Variants in CDKAL1 observed in about 807,000 individuals in gnomAD.
The protein encoded by CDKAL1 is threonylcarbamoyladenosine tRNA methylthiotransferase.
Under a neutral mutation model 68.2 loss-of-function variants are expected in CDKAL1, and 32 were observed. That is an observed-to-expected ratio of 0.47 (90% CI 0.35 to 0.63). The LOEUF (loss-of-function observed/expected upper bound fraction) is 0.63, where lower values mean the gene tolerates loss of function less well. Ranked by LOEUF, CDKAL1 falls within the 30% of genes least tolerant of loss-of-function variation. The pLI is 0.00. For synonymous variants in CDKAL1, 234 were observed against 244.3 expected (o/e 0.96, Z 0.39); for missense variants, 606 against 696.7 (o/e 0.87, Z 1.47).
intron 13 of CDKAL1, among the ~76,000 whole-genome samples, chr6:21,146,271 T>C (rs1276431351): frequency 2.0e-5 from 3 of 152,160 alleles, no homozygotes; most frequent in African/African-American, 7.2e-5. Flanking sequence ...ATTTAATCAT[T>C]AAATTAGATG....
At chr6:20,637,707 CCTCTTCTTTCCCATTAA>C (rs1389280377) in intron 4 of CDKAL1, among the ~76,000 whole-genome samples, 3 of 152,204 alleles carry the variant, frequency 2.0e-5, no homozygotes, top group Admixed American at 6.5e-5. Flanking sequence ...GAAAAGTTTT[CCTCTTCTTTCCCATTAA>C]CTCTTTTTTA....
intron 4 of CDKAL1, among the ~76,000 whole-genome samples, chr6:20,643,772 A>G (rs1768301888): frequency 6.6e-6 from 1 of 152,198 alleles, no homozygotes; most frequent in African/African-American, 2.4e-5. Context: ...TAACATTTAT[A>G]CAGATATCTG....
At chr6:20,614,484 G>A (rs1361246924) in intron 4 of CDKAL1, among the ~76,000 whole-genome samples, 1 of 151,846 alleles carries the variant, frequency 6.6e-6, no homozygotes, top group African/African-American at 2.4e-5. Flanking sequence ...CCTTTAATTC[G>A]AATGCATCTA....
chr6:21,073,859 T>G (rs888151577), intron 12 of CDKAL1, among the ~76,000 whole-genome samples: 4 of 152,206 alleles, frequency 2.6e-5, no homozygotes, highest in Admixed American at 6.5e-5. Context: ...ATTATTTTGT[T>G]TATTTAGCAC....
At chr6:21,091,156 T>C (rs912710392) in intron 12 of CDKAL1, among the ~76,000 whole-genome samples, 15 of 152,328 alleles carry the variant, frequency 9.8e-5, no homozygotes, top group African/African-American at 2.6e-4. Context: ...CTAGTTTCAT[T>C]GTCTCTCAAA....
intron 5 of CDKAL1, among the ~76,000 whole-genome samples, chr6:20,707,302 A>G (rs924580457): frequency 1.3e-5 from 2 of 152,236 alleles, no homozygotes; most frequent in African/African-American, 4.8e-5. Flanking sequence ...GTTGCAAACC[A>G]TTAATCCAGT....
At chr6:20,929,987 T>G (rs984465045) in intron 9 of CDKAL1, among the ~76,000 whole-genome samples, 2 of 152,238 alleles carry the variant, frequency 1.3e-5, no homozygotes, top group Non-Finnish European at 1.5e-5. Context: ...TAAATTTGTC[T>G]TCATAAAGTT....
chr6:20,546,361 CATCCTGTG>C lies in CDKAL1; in HGVS notation c.14_21del (p.Ser5TyrfsTer5). 1 of 1,611,072 alleles carries C rather than the reference CATCCTGTG, an allele frequency of 6.2e-7. No homozygotes were observed. The highest frequency in any genetic ancestry group is 8.5e-7 in the Non-Finnish European group (1 of 1,178,314). On this transcript the variant is annotated frameshift_variant, in exon 3 of 16. Coordinates refer to ENST00000274695, the MANE Select transcript of CDKAL1 (RefSeq NM_017774.3). LOFTEE classifies it high-confidence loss of function. ...TATGTGGTAGAGAATATGCCTTCTGCATCCTGTGATACACTACTGGATGACATCGAAGA... is the reference window on the plus strand; with the variant it reads ...TATGTGGTAGAGAATATGCCTTCTGCATACACTACTGGATGACATCGAAGA...
In CDKAL1 at chr6:21,173,109, C is replaced by T. The variant is rs535961911; in HGVS notation, c.1300-24912C>T. ...TTTTGTTTTTGTGAGGTTTTTCCTC[C>T]TTCACCTCCCCACAACACCCTTCTT... On this transcript the variant is annotated intron_variant, in intron 13 of 15. Coordinates refer to ENST00000274695, the MANE Select transcript of CDKAL1 (RefSeq NM_017774.3). Among the ~76,000 whole-genome samples, 3 of 146,250 alleles carry T rather than the reference C, an allele frequency of 2.1e-5. No individual in the cohort carries two copies. In the East Asian group the frequency reaches 5.9e-4, roughly 29 times the overall value.
At chr6:21,206,001 ATT>A (rs199926964) in intron 15 of CDKAL1, among the ~76,000 whole-genome samples, 15,495 of 139,734 alleles carry the variant, frequency 0.11, 1,271 homozygotes, top group African/African-American at 0.22. Flanking sequence ...CGCCCGGCTA[ATT>A]TTTTTTTTTT....
intron 5 of CDKAL1, among the ~76,000 whole-genome samples, chr6:20,687,828 T>C (rs1581385991): frequency 6.6e-6 from 1 of 152,286 alleles, no homozygotes; most frequent in Middle Eastern, 3.4e-3. Context: ...GCCCTGCTTC[T>C]TTCTCTAGAT....
At chr6:20,891,117 G>A (rs904117849) in intron 9 of CDKAL1, among the ~76,000 whole-genome samples, 50 of 152,328 alleles carry the variant, frequency 3.3e-4, no homozygotes, top group African/African-American at 1.2e-3. Context: ...TCTGGCCTCA[G>A]AGCTCTTGGC....
rs1777743740 is a variant in CDKAL1 at position 20,832,102 on chromosome 6, T to C, written c.639-13973T>C. 2.6e-5 allele frequency among the ~76,000 whole-genome samples: 4 copies of C among 152,224 alleles called. No individual in the cohort carries two copies. The South Asian group carries it at 8.3e-4, about 31-fold the overall frequency. ...TGTCTCCGCTGCTTTAAGACCCATT[T>C]TGAACTCAAATAAGAAGATTTCTCA... On this transcript the variant is annotated intron_variant, in intron 8 of 15. Coordinates refer to ENST00000274695, the MANE Select transcript of CDKAL1 (RefSeq NM_017774.3).
chr6:20,534,734 G>A lies in CDKAL1; in HGVS notation c.-50+160G>A, dbSNP rs116186936. ...GCTGGGATGGGGGAATTGGGAGGCAGATGGGGCTTCCAGGAGCGAGGATAG... is the reference window on the plus strand; with the variant it reads ...GCTGGGATGGGGGAATTGGGAGGCAAATGGGGCTTCCAGGAGCGAGGATAG... On this transcript the variant is annotated intron_variant, in intron 1 of 15. Transcript: ENST00000274695. Among the ~76,000 whole-genome samples, 1,018 of 152,290 alleles carry A rather than the reference G, an allele frequency of 6.7e-3. 9 individuals carry two copies. Among genetic ancestry groups the A allele is most frequent in the African/African-American group, 0.023 (966 of 41,544 alleles).
At chr6:21,076,696 A>G (rs1772092358) in intron 12 of CDKAL1, among the ~76,000 whole-genome samples, 2 of 152,172 alleles carry the variant, frequency 1.3e-5, no homozygotes, top group South Asian at 2.1e-4. Context: ...TTGATTCCCA[A>G]ACATACCCAT....
chr6:20,863,459 C>A (rs1759751275), intron 9 of CDKAL1, among the ~76,000 whole-genome samples: 1 of 137,336 alleles, frequency 7.3e-6, no homozygotes, highest in Non-Finnish European at 1.7e-5. Flanking sequence ...TATTAATGTT[C>A]AATAAATGTT....
intron 5 of CDKAL1, among the ~76,000 whole-genome samples, chr6:20,729,257 G>A (rs751083275): frequency 3.9e-5 from 6 of 152,304 alleles, no homozygotes; most frequent in South Asian, 4.1e-4. Flanking sequence ...TTAATCTTGG[G>A]ATGATGCCTT....
intron 5 of CDKAL1, among the ~76,000 whole-genome samples, chr6:20,738,819 A>G (rs1773315788): frequency 1.3e-5 from 2 of 152,244 alleles, no homozygotes; most frequent in East Asian, 3.8e-4. Flanking sequence ...TATACTGAGG[A>G]AATAATTACA....
intron 12 of CDKAL1, among the ~76,000 whole-genome samples, chr6:21,095,217 T>A (rs138321007): frequency 3.9e-5 from 6 of 152,266 alleles, no homozygotes; most frequent in African/African-American, 1.2e-4. Context: ...ATGCTTCTTG[T>A]GATGGGTGCA....
Sources: allele counts gnomAD v4.1 joint callset (sites outside exome capture counted in the v4.1 genomes callset), GRCh38; gene constraint gnomAD v4.1.1; transcripts MANE v1.5; gene names NCBI Gene and HGNC (gene_info 2026-07-23, HGNC 2026-07-21).